The following ATXN10 variants were observed in gnomAD, a reference collection of about 807,000 sequenced individuals.
The protein encoded by ATXN10 is ataxin 10, also known as ataxin-10.
Under a neutral mutation model 52.9 loss-of-function variants are expected in ATXN10, and 28 were observed. The ratio of observed to expected loss-of-function variants is 0.53; its 90% CI spans 0.39 to 0.73. The LOEUF is 0.73. Ranked by LOEUF, ATXN10 falls within the 30% of genes least tolerant of loss-of-function variation. The pLI is 0.00. For synonymous variants in ATXN10, 226 were observed against 221.5 expected, an observed-to-expected ratio of 1.02 and a Z score of -0.18; for missense variants, 565 against 577.0, an observed-to-expected ratio of 0.98 and a Z score of 0.21.
At chr22:45,689,444 C>G in intron 1 of ATXN10, 1 of 484,678 alleles carries the variant, frequency 2.1e-6, no homozygotes, top group East Asian at 3.9e-5. Context: ...CTTCACTTAC[C>G]TTATCTGTAA....
Position 45,677,242 on chromosome 22 carries a change from T to G in ATXN10, c.116+5063T>G, listed in dbSNP as rs956698829. On this transcript the variant is annotated intron_variant, in intron 1 of 11. Transcript: ENST00000252934. The surrounding 1 kb of genome is among the most constrained non-coding windows in gnomAD (Gnocchi z 4.1). ...TCTTCCACCTGATGAGCTTCTTGAA[T>G]GAAGTGGGCACATCACATTCACTGT... is the stretch of plus-strand genomic sequence containing the variant. 8 of 152,368 alleles carry G rather than the reference T, an allele frequency of 5.3e-5. 1 individual carries two copies. In the South Asian group the frequency reaches 1.7e-3, roughly 32 times the overall value. 9.4% of individuals were successfully genotyped at this position (152,368 alleles called of 1,614,324 possible). A position where few individuals can be genotyped will look rare whatever the true frequency, so the allele number is the denominator to read the frequency against.
At position 45,740,594 on chromosome 22, in the gene ATXN10, C is replaced by A. The variant is rs545848463; in HGVS notation, c.1173+56C>A. 7.1e-6 allele frequency: 11 copies of A among 1,544,620 alleles called. No individual in the cohort carries two copies. The South Asian group carries it at 1.1e-4, about 16-fold the overall frequency. On this transcript the variant is annotated intron_variant, in intron 9 of 11. Transcript: ENST00000252934. ...TGTATGGCTTCATTTAGAATATAGTCCTTGGAAGACATTCACTCTTTTGGA... is the reference window on the plus strand; with the variant it reads ...TGTATGGCTTCATTTAGAATATAGTACTTGGAAGACATTCACTCTTTTGGA...
intron 5 of ATXN10, 83 bp downstream of exon 5, chr22:45,702,930 G>T: frequency 6.5e-7 from 1 of 1,544,700 alleles, no homozygotes; most frequent in Non-Finnish European, 8.9e-7. Context: ...TAAAAATTTG[G>T]ACATTGTGAT....
intron 1 of ATXN10, chr22:45,676,049 A>G (rs1249035873): frequency 6.6e-6 from 1 of 152,210 alleles, no homozygotes; most frequent in South Asian, 2.1e-4. Context: ...AAGTCATGTT[A>G]AATTCTTTCT....
At position 45,826,426 on chromosome 22, in the gene ATXN10, G is replaced by A. The variant is rs754202685; in HGVS notation, c.1238-16565G>A. 7.9e-5 allele frequency among the ~76,000 whole-genome samples: 12 copies of A among 152,252 alleles called. No individual in the cohort carries two copies. Among genetic ancestry groups the A allele is most frequent in the East Asian group, 3.9e-4 (2 of 5,178 alleles). On this transcript the variant is annotated intron_variant, in intron 10 of 11. Transcript: ENST00000252934. The surrounding 1 kb of genome is among the most constrained non-coding windows in gnomAD (Gnocchi z 5.0). ...ATTTTCCACATTTGATGGAAGTCACGAATATATACAACCAGGAAACTCGGT... is the reference window on the plus strand; with the variant it reads ...ATTTTCCACATTTGATGGAAGTCACAAATATATACAACCAGGAAACTCGGT...
At position 45,683,208 on chromosome 22, in the gene ATXN10, A is replaced by G. The variant is rs984069283; in HGVS notation, c.117-6504A>G. The stretch of plus-strand genomic sequence containing the variant: ...GTGGCACATGCCTGAAATTCTACCT[A>G]CTTGGGAGGCTGAGGCATGAGAATT... On this transcript the variant is annotated intron_variant, in intron 1 of 11. Coordinates refer to ENST00000252934, the MANE Select transcript of ATXN10 (RefSeq NM_013236.4). This position sits in a 1 kb window ranked among gnomAD's most constrained non-coding sequence, Gnocchi z 4.8. 2.0e-5 allele frequency among the ~76,000 whole-genome samples: 3 copies of G among 152,170 alleles called. No individual in the cohort carries two copies. The highest frequency in any genetic ancestry group is 4.4e-5 in the Non-Finnish European group (3 of 68,024).
intron 1 of ATXN10, 153 bp downstream of exon 1, chr22:45,672,332 C>A (rs1601580543): frequency 1.2e-6 from 1 of 843,174 alleles, no homozygotes; most frequent in Non-Finnish European, 1.5e-6. Context: ...CCAGGCCTCC[C>A]GACTCCCAGG....
chr22:45,761,610 CATT>C (rs1208441151), intron 9 of ATXN10, among the ~76,000 whole-genome samples: 2 of 152,142 alleles, frequency 1.3e-5, no homozygotes, highest in African/African-American at 4.8e-5. Context: ...TGTAACGAAG[CATT>C]ATAATCCAGT....
Position 45,693,020 on chromosome 22 carries a change from T to A in ATXN10, c.333T>A (p.Ala111=), listed in dbSNP as rs1202560663. The A allele has an allele frequency of 1.8e-5, 29 of 1,614,128 alleles. No individual in the cohort carries two copies. Among genetic ancestry groups the A allele is most frequent in the Non-Finnish European group, 2.5e-5 (29 of 1,179,986 alleles). Reference sequence around the variant, plus strand: ...GGAACTTGGATACGATTGGTGTTGCTGTTGATTTGATTCTTCTGTTTCGTG... The same window carrying A: ...GGAACTTGGATACGATTGGTGTTGCAGTTGATTTGATTCTTCTGTTTCGTG... ...SIRNLDTIGV[A]VDLILLFREL... is the part of the protein sequence containing the mutation. The change falls in exon 3 of 12, where the codon GCT becomes GCA. Residue 111 remains alanine, a synonymous_variant. Coordinates refer to ENST00000252934, the MANE Select transcript of ATXN10 (RefSeq NM_013236.4).
At chr22:45,745,902 A>T (rs1925708663) in intron 9 of ATXN10, among the ~76,000 whole-genome samples, 1 of 152,200 alleles carries the variant, frequency 6.6e-6, no homozygotes, top group Admixed American at 6.5e-5. Flanking sequence ...TTTCTGACTA[A>T]ATTTACAAAG....
chr22:45,780,894 AGGT>A lies in ATXN10; in HGVS notation c.1174-26062_1174-26060del, dbSNP rs1927126302. ...TGAAACAATCATGGAAACACGTGAC[AGGT>A]GGGGAGAAGACGGCATACTAGCAAG... On this transcript the variant is annotated intron_variant, in intron 9 of 11. Coordinates refer to ENST00000252934, the MANE Select transcript of ATXN10 (RefSeq NM_013236.4). The surrounding 1 kb of genome is among the most constrained non-coding windows in gnomAD (Gnocchi z 4.0). Among the ~76,000 whole-genome samples, 1 of 152,102 alleles carries A rather than the reference AGGT, an allele frequency of 6.6e-6. No homozygotes were observed. Among genetic ancestry groups the A allele is most frequent in the African/African-American group, 2.4e-5 (1 of 41,424 alleles).
chr22:45,839,980 C>T (rs983693650), intron 10 of ATXN10, among the ~76,000 whole-genome samples: 1 of 152,228 alleles, frequency 6.6e-6, no homozygotes, highest in Admixed American at 6.5e-5. Context: ...CATTTCCCAG[C>T]ACCACGCTAG....
chr22:45,692,224 A>G (rs757279404), intron 2 of ATXN10, among the ~76,000 whole-genome samples: 18 of 152,324 alleles, frequency 1.2e-4, no homozygotes, highest in Non-Finnish European at 1.2e-4. Flanking sequence ...TAATATATGC[A>G]AACTATAAAA....
intron 9 of ATXN10, among the ~76,000 whole-genome samples, chr22:45,747,032 C>A (rs1326071009): frequency 6.6e-6 from 1 of 152,198 alleles, no homozygotes; most frequent in Non-Finnish European, 1.5e-5. Context: ...ACCACCGTTA[C>A]CACCACTTTT....
intron 9 of ATXN10, among the ~76,000 whole-genome samples, chr22:45,788,529 C>T (rs1331001285): frequency 6.6e-6 from 1 of 151,872 alleles, no homozygotes; most frequent in Non-Finnish European, 1.5e-5. Context: ...TCAGCGTCTG[C>T]AGCAGCTTCC....
chr22:45,682,776 T>A (rs1348421806), intron 1 of ATXN10, among the ~76,000 whole-genome samples: 1 of 152,216 alleles, frequency 6.6e-6, no homozygotes, highest in Non-Finnish European at 1.5e-5. Flanking sequence ...AAAGTTTTGA[T>A]GTCATCCTTC....
Position 45,766,288 on chromosome 22 carries a change from T to TA in ATXN10, c.1173+25751dup, listed in dbSNP as rs1872783943. ...CCTCTAGTCAGGTCAGAGGTGGCAT[T>TA]AGAGTCTCACAGGAGCGTGAATACT... On this transcript the variant is annotated intron_variant, in intron 9 of 11. Coordinates refer to ENST00000252934, the MANE Select transcript of ATXN10 (RefSeq NM_013236.4). The surrounding 1 kb of genome is among the most constrained non-coding windows in gnomAD (Gnocchi z 4.6). Among the ~76,000 whole-genome samples, 2 of 152,176 alleles carry TA rather than the reference T, an allele frequency of 1.3e-5. No individual in the cohort carries two copies. The highest frequency in any genetic ancestry group is 4.8e-5 in the African/African-American group (2 of 41,438).
In ATXN10 at chr22:45,843,582, A is replaced by G; in HGVS notation, c.1426-87A>G. On this transcript the variant is annotated intron_variant, in intron 11 of 11. Coordinates refer to ENST00000252934, the MANE Select transcript of ATXN10 (RefSeq NM_013236.4). This position sits in a 1 kb window ranked among gnomAD's most constrained non-coding sequence, Gnocchi z 4.5. ...CTAAGTTATTTGTCACCACTGACCA[A>G]AGTTCTGGGTTTTTTCCCCTTTTGT... 1 of 1,303,716 alleles carries G rather than the reference A, an allele frequency of 7.7e-7. No homozygotes were observed. The highest frequency in any genetic ancestry group is 2.3e-5 in the East Asian group (1 of 42,938). 80.8% of individuals were successfully genotyped at this position (1,303,716 alleles called of 1,614,324 possible). A position where few individuals can be genotyped will look rare whatever the true frequency, so the allele number is the denominator to read the frequency against.
At chr22:45,771,146 A>G (rs1177639421) in intron 9 of ATXN10, among the ~76,000 whole-genome samples, 4 of 152,226 alleles carry the variant, frequency 2.6e-5, no homozygotes, top group Non-Finnish European at 5.9e-5. Context: ...TCTACACACA[A>G]ATGTTCACAG....
Sources: allele counts gnomAD v4.1 joint callset (sites outside exome capture counted in the v4.1 genomes callset), GRCh38; gene constraint gnomAD v4.1.1; non-coding constraint Gnocchi (gnomAD v3.1); transcripts MANE v1.5; gene names NCBI Gene and HGNC (gene_info 2026-07-23, HGNC 2026-07-21).